The following ADAMTS8 variants were observed in gnomAD, a reference collection of about 807,000 sequenced individuals.
ADAMTS8 encodes A disintegrin and metalloproteinase with thrombospondin motifs 8.
A neutral mutation model predicts 64.4 loss-of-function variants in ADAMTS8; 50 were observed. That is an observed-to-expected ratio of 0.78 (90% CI 0.62 to 0.98). The LOEUF is 0.98. ADAMTS8 is among the 50% of genes least tolerant of loss of function. ADAMTS8 has a pLI of 0.00. For missense variants in ADAMTS8, 1,192 were observed against 1,208.2 expected, an observed-to-expected ratio of 0.99 and a Z score of 0.20; for synonymous variants, 556 against 533.6, an observed-to-expected ratio of 1.04 and a Z score of -0.58.
At chr11:130,420,508 C>A (rs536936232) in intron 1 of ADAMTS8, among the ~76,000 whole-genome samples, 63 of 152,084 alleles carry the variant, frequency 4.1e-4, no homozygotes, top group Non-Finnish European at 7.1e-4. Flanking sequence ...CCTCTCCGAT[C>A]CCTAGATCAC....
intron 6 of ADAMTS8, among the ~76,000 whole-genome samples, chr11:130,410,556 C>T (rs1293643455): frequency 2.4e-4 from 36 of 152,174 alleles, no homozygotes; most frequent in Admixed American, 2.1e-3. Flanking sequence ...CTTGTGAAAC[C>T]GCAAAGCCTA....
intron 1 of ADAMTS8, among the ~76,000 whole-genome samples, chr11:130,422,926 T>C (rs1428397746): frequency 6.6e-6 from 1 of 152,262 alleles, no homozygotes; most frequent in Non-Finnish European, 1.5e-5. Flanking sequence ...GTATGTCGTC[T>C]GGACCAGGCA....
chr11:130,408,777 G>C lies in ADAMTS8; in HGVS notation c.1914C>G (p.Phe638Leu), dbSNP rs760759970. 8 of 1,614,088 alleles carry C rather than the reference G, an allele frequency of 5.0e-6. No individual in the cohort carries two copies. The Middle Eastern group carries it at 9.9e-4, about 200-fold the overall frequency. The change falls in exon 7 of 9, where the codon TTC becomes TTG. Residue 638 changes from phenylalanine (F) to leucine (L), a missense_variant. By Grantham distance (22) the Phe-to-Leu change is conservative (BLOSUM62 0). Around this residue, in one of 5 missense-constraint regions of ADAMTS8, gnomAD observed 290 missense variants for 297.8 expected, o/e 0.97. Transcript: ENST00000257359. ...RARGRSEFKV[F>L]EAKVIDGTLC... ...CCAGGGTGATTCTCACCTTGGCCTC[G>C]AACACTTTGAACTCGCTCCTCCCCC... is the stretch of plus-strand genomic sequence containing the variant.
At chr11:130,421,498 G>A (rs995948376) in intron 1 of ADAMTS8, among the ~76,000 whole-genome samples, 4 of 152,152 alleles carry the variant, frequency 2.6e-5, no homozygotes, top group East Asian at 3.9e-4. Context: ...CCTTCTGGCC[G>A]CTGTCTCAGA....
chr11:130,413,924 C>T (rs1221559385), intron 5 of ADAMTS8, among the ~76,000 whole-genome samples: 1 of 152,192 alleles, frequency 6.6e-6, no homozygotes, highest in Admixed American at 6.5e-5. Flanking sequence ...GCTCACCAAT[C>T]TGCACCTGCA....
chr11:130,408,836 G>A lies in ADAMTS8; in HGVS notation c.1855C>T (p.Pro619Ser). 4 of 1,613,900 alleles carry A rather than the reference G, an allele frequency of 2.5e-6. No homozygotes were observed. Among genetic ancestry groups the A allele is most frequent in the Non-Finnish European group, 3.4e-6 (4 of 1,179,946 alleles). The change falls in exon 7 of 9, where the codon CCC becomes TCC. Residue 619 changes from proline (P) to serine (S), a missense_variant. Coordinates refer to ENST00000257359, the MANE Select transcript of ADAMTS8 (RefSeq NM_007037.6). ...CAGAACAACTTGCAGCGGTCCCGGG[G>A]GGACACCCCAGCATACTTGGGGACC... ...QWVPKYAGVS[P>S]RDRCKLFCRA...
chr11:130,408,974 C>T, intron 6 of ADAMTS8, 34 bp from the exon 7 acceptor site: 1 of 1,507,080 alleles, frequency 6.6e-7, no homozygotes, highest in African/African-American at 1.4e-5. Context: ...GGAGGTGACA[C>T]CCATGCGGAA....
chr11:130,405,553 C>G lies in ADAMTS8; in HGVS notation c.*5G>C, dbSNP rs768081291. ...GAGCACAAGACTGGCCCCTGCCCCC[C>G]TGAATCACAGGGGGCACAGCTGGCT... On this transcript the variant is annotated 3_prime_UTR_variant, in exon 9 of 9. Coordinates refer to ENST00000257359, the MANE Select transcript of ADAMTS8 (RefSeq NM_007037.6). 7 of 1,590,242 alleles carry G rather than the reference C, an allele frequency of 4.4e-6. No homozygotes were observed. The Admixed American group carries it at 8.5e-5, about 19-fold the overall frequency.
intron 4 of ADAMTS8, among the ~76,000 whole-genome samples, chr11:130,415,501 C>T (rs1862009950): frequency 6.6e-6 from 1 of 151,446 alleles, no homozygotes; most frequent in South Asian, 2.1e-4. Flanking sequence ...GATGGGGTTT[C>T]ACCATGTTGG....
chr11:130,425,521 G>C (rs550993045), intron 1 of ADAMTS8, among the ~76,000 whole-genome samples: 20 of 152,168 alleles, frequency 1.3e-4, no homozygotes, highest in African/African-American at 4.6e-4. Flanking sequence ...TCCATGTGTG[G>C]GGGTAGAGGG....
chr11:130,407,349 G>A (rs1190279308), intron 8 of ADAMTS8, among the ~76,000 whole-genome samples: 1 of 152,114 alleles, frequency 6.6e-6, no homozygotes, highest in Non-Finnish European at 1.5e-5. Context: ...CTAGGCAACA[G>A]AGTGAGACTC....
In ADAMTS8 at chr11:130,427,829, C is replaced by T; in HGVS notation, c.458G>A (p.Trp153Ter). Residue 153 changes from tryptophan (W) to a stop codon, truncating the protein, a stop_gained, in exon 1 of 9, where the codon TGG becomes TAG. Transcript: ENST00000257359. LOFTEE classifies it high-confidence loss of function. ...SLAQPHRLQRWGPAGARPLPR... is the reference protein window; with the variant it reads ...SLAQPHRLQR The stretch of plus-strand genomic sequence containing the variant: ...GAGGGGGCGGGCTCCGGCGGGACCC[C>T]AGCGCTGCAGGCGGTGCGGCTGAGC... 1 of 1,550,932 alleles carries T rather than the reference C, an allele frequency of 6.4e-7. No individual in the cohort carries two copies. The highest frequency in any genetic ancestry group is 8.7e-7 in the Non-Finnish European group (1 of 1,151,244).
intron 4 of ADAMTS8, among the ~76,000 whole-genome samples, chr11:130,415,930 G>A (rs984594457): frequency 3.9e-5 from 6 of 152,172 alleles, no homozygotes; most frequent in Admixed American, 6.6e-5. Context: ...CAACCTTCTC[G>A]GATGACTTCC....
In ADAMTS8 at chr11:130,416,779, T is replaced by C. The variant is rs1382182103; in HGVS notation, c.1096+161A>G. Among the ~76,000 whole-genome samples, 2 of 152,222 alleles carry C rather than the reference T, an allele frequency of 1.3e-5. No homozygotes were observed. Among genetic ancestry groups the C allele is most frequent in the Admixed American group, 1.3e-4 (2 of 15,274 alleles). ...GTGGGAGCGGAGTTGTGTTCAGCAC[T>C]GTCAAGCGCGGTATCTGTTTGTATA... On this transcript the variant is annotated intron_variant, in intron 3 of 8. Transcript: ENST00000257359. This position sits in a 1 kb window ranked among gnomAD's most constrained non-coding sequence, Gnocchi z 4.8.
Position 130,428,262 on chromosome 11 carries a change from G to GA in ADAMTS8, c.24_25insT (p.Arg9SerfsTer191). ...AGCAGCAGCAGGAGCGGAGGCCACC[G>GA]GGGGGCGGCGGGGGCGGGGAGCATG... On this transcript the variant is annotated frameshift_variant, in exon 1 of 9. Transcript: ENST00000257359. LOFTEE classifies it high-confidence loss of function. The GA allele has an allele frequency of 8.3e-7, 1 of 1,209,774 alleles. No individual in the cohort carries two copies. Among genetic ancestry groups the GA allele is most frequent in the East Asian group, 3.7e-5 (1 of 26,858 alleles). The allele number at this position is 1,209,774 out of a possible 1,614,324, so 74.9% of individuals were successfully genotyped here.
chr11:130,419,790 C>T (rs1268579116), intron 1 of ADAMTS8, among the ~76,000 whole-genome samples: 1 of 152,154 alleles, frequency 6.6e-6, no homozygotes, highest in East Asian at 1.9e-4. Flanking sequence ...CGGCCTCAGC[C>T]CAGAAGCAAA....
At position 130,405,765 on chromosome 11, in the gene ADAMTS8, C is replaced by T. The variant is rs376504625; in HGVS notation, c.2463G>A (p.Glu821=). ...DVDFSMQSSK[E]RATTNIIQPL... Reference sequence around the variant, plus strand: ...GCTGGATGATGTTGGTGGTTGCTCTCTCTTTGCTGCTCTGCATGCTAAAGT... The same window carrying T: ...GCTGGATGATGTTGGTGGTTGCTCTTTCTTTGCTGCTCTGCATGCTAAAGT... Residue 821 remains glutamate, a synonymous_variant, in exon 9 of 9, where the codon GAG becomes GAA. Transcript: ENST00000257359. 38 of 1,614,066 alleles carry T rather than the reference C, an allele frequency of 2.4e-5. No individual in the cohort carries two copies. Among genetic ancestry groups the T allele is most frequent in the Non-Finnish European group, 3.2e-5 (38 of 1,180,060 alleles).
chr11:130,409,879 G>A (rs762069967), intron 6 of ADAMTS8, among the ~76,000 whole-genome samples: 2 of 152,206 alleles, frequency 1.3e-5, no homozygotes, highest in Non-Finnish European at 2.9e-5. Flanking sequence ...CATACTCCAC[G>A]CCTGAGACTC....
chr11:130,422,949 C>T (rs1044948486), intron 1 of ADAMTS8, among the ~76,000 whole-genome samples: 2 of 152,216 alleles, frequency 1.3e-5, no homozygotes, highest in Non-Finnish European at 2.9e-5. Flanking sequence ...AGGTCAGGTG[C>T]ATTCCATATT....
Sources: gnomAD v4.1 joint callset for allele counts (sites outside exome capture counted in the v4.1 genomes callset) on GRCh38, gnomAD v4.1.1 for gene constraint, gnomAD v4.1.1 regional missense constraint, Gnocchi (gnomAD v3.1) non-coding constraint, MANE v1.5 for transcripts, NCBI Gene and HGNC (gene_info 2026-07-23, HGNC 2026-07-21) for gene names.